Variants in ADAM22 observed in about 807,000 individuals in gnomAD.
ADAM22 encodes disintegrin and metalloproteinase domain-containing protein 22.
A neutral mutation model predicts 144.6 loss-of-function variants in ADAM22; 65 were observed. The observed-to-expected ratio is 0.45, with a 90% CI of 0.37 to 0.55. The LOEUF is 0.55. Among genes scored for constraint, ADAM22 ranks in the 20% least tolerant of loss-of-function variants. The pLI, the probability that ADAM22 is intolerant of heterozygous loss-of-function variation, is 0.00. For missense variants in ADAM22, 974 were observed against 1,184.9 expected, an observed-to-expected ratio of 0.82 and a Z score of 2.61; for synonymous variants, 391 against 412.6, an observed-to-expected ratio of 0.95 and a Z score of 0.63.
At chr7:87,994,832 A>AT (rs575539712) in intron 3 of ADAM22, among the ~76,000 whole-genome samples, 3,399 of 145,808 alleles carry the variant, frequency 0.023, 68 homozygotes, top group African/African-American at 0.054. Context: ...CTAGCATTGT[A>AT]TTTTTTTTTT....
intron 3 of ADAM22, among the ~76,000 whole-genome samples, chr7:88,000,057 A>G (rs1278479681): frequency 3.3e-5 from 5 of 152,172 alleles, no homozygotes; most frequent in African/African-American, 1.2e-4. Context: ...CCAATATGAC[A>G]TTCATTATTA....
At chr7:88,150,901 A>T in intron 18 of ADAM22, 80 bp from the exon 19 acceptor site, 1 of 1,232,064 alleles carries the variant, frequency 8.1e-7, no homozygotes, top group Non-Finnish European at 1.2e-6. Context: ...ATATGTTTTT[A>T]AAAGTGAAAA....
At chr7:88,101,485 A>G (rs1822921705) in intron 4 of ADAM22, among the ~76,000 whole-genome samples, 1 of 152,136 alleles carries the variant, frequency 6.6e-6, no homozygotes. Flanking sequence ...TAGATGTAGC[A>G]CTGAAATACC....
chr7:88,196,425 C>T lies in ADAM22; in HGVS notation c.2875-46C>T, dbSNP rs369411471. On this transcript the variant is annotated intron_variant, in intron 31 of 31. Transcript: ENST00000413139. ...TCATCTCCTATTCAGAATACATCTG[C>T]TTCCTGCTTTCACAATGTGCAATTT... 138 of 1,610,342 alleles carry T rather than the reference C, an allele frequency of 8.6e-5. 1 individual carries two copies. Among genetic ancestry groups the T allele is most frequent in the Middle Eastern group, 8.3e-4 (5 of 6,050 alleles).
intron 2 of ADAM22, among the ~76,000 whole-genome samples, chr7:87,945,026 C>G (rs912707465): frequency 3.2e-4 from 48 of 151,240 alleles, no homozygotes; most frequent in African/African-American, 1.1e-3. Flanking sequence ...TTGTAAAGGT[C>G]TGCAGGCTAG....
intron 3 of ADAM22, among the ~76,000 whole-genome samples, 156 bp downstream of exon 3, chr7:87,978,568 C>A (rs1562904914): frequency 6.6e-6 from 1 of 152,096 alleles, no homozygotes; most frequent in Non-Finnish European, 1.5e-5. Flanking sequence ...GTTATAAAGT[C>A]TGGCAGATAA....
chr7:88,005,259 G>T (rs1188343545), intron 3 of ADAM22, among the ~76,000 whole-genome samples: 1 of 152,136 alleles, frequency 6.6e-6, no homozygotes, highest in African/African-American at 2.4e-5. Context: ...TGGAACAGGT[G>T]CAACTCTTTA....
chr7:88,079,735 CA>C (rs1423301366), intron 4 of ADAM22, among the ~76,000 whole-genome samples: 1 of 152,030 alleles, frequency 6.6e-6, no homozygotes, highest in African/African-American at 2.4e-5. Context: ...CAACAAAGAT[CA>C]AAAGAGACAA....
intron 3 of ADAM22, among the ~76,000 whole-genome samples, chr7:88,071,017 C>T (rs1374773094): frequency 6.6e-6 from 1 of 152,100 alleles, no homozygotes; most frequent in Non-Finnish European, 1.5e-5. Flanking sequence ...GATCCTACAC[C>T]AGCCTATGAC....
rs772855169 is a variant in ADAM22, at chr7:87,934,545, A to G, written c.80A>G (p.Gln27Arg). 3.1e-6 allele frequency: 5 copies of G among 1,607,308 alleles called. No individual in the cohort carries two copies. The highest frequency in any genetic ancestry group is 2.2e-5 in the East Asian group (1 of 44,710). Residue 27 changes from glutamine (Q) to arginine (R), a missense_variant, in exon 1 of 32, where the codon CAG (glutamine) becomes CGG (arginine). Coordinates refer to ENST00000413139, the MANE Select transcript of ADAM22 (RefSeq NM_001324418.2). ...ACCTGCCCTCCGGCGCGCTGCGGCC[A>G]GGCAGGTAAGTTAGCCGTCCTCTGT... ...LGTCPPARCG[Q>R]AGDASLMELE... is the part of the protein sequence containing the mutation.
In ADAM22 at chr7:88,181,495, TC is replaced by T. The variant is rs779878048; in HGVS notation, c.2496-9del. 6.2e-7 allele frequency: 1 copy of T among 1,611,036 alleles called. No individual in the cohort carries two copies. The highest frequency in any genetic ancestry group is 2.2e-5 in the East Asian group (1 of 44,842). On this transcript the variant is annotated splice_polypyrimidine_tract_variant and intron_variant, in intron 27 of 31. Coordinates refer to ENST00000413139, the MANE Select transcript of ADAM22 (RefSeq NM_001324418.2). ...ATTTTTGAACAATTTATCAATATTT[TC>T]AATTTCAGGTCAAATGGGCTCTCTC...
intron 3 of ADAM22, among the ~76,000 whole-genome samples, chr7:88,027,273 C>T (rs911296772): frequency 1.2e-4 from 19 of 152,130 alleles, no homozygotes; most frequent in African/African-American, 3.4e-4. Context: ...TTCCCTCCTC[C>T]ACCATTATTT....
At chr7:87,989,972 T>C (rs1012686433) in intron 3 of ADAM22, among the ~76,000 whole-genome samples, 1 of 152,180 alleles carries the variant, frequency 6.6e-6, no homozygotes, top group Non-Finnish European at 1.5e-5. Context: ...TTATTGCTGA[T>C]AGTTACTTGA....
chr7:88,155,611 A>T (rs1166600830), intron 21 of ADAM22, among the ~76,000 whole-genome samples: 6 of 152,116 alleles, frequency 3.9e-5, no homozygotes, highest in African/African-American at 1.4e-4. Context: ...AATATAAAAG[A>T]AGCCAATTTG....
chr7:88,171,489 C>G, intron 25 of ADAM22, 55 bp from the exon 26 acceptor site: 1 of 1,522,326 alleles, frequency 6.6e-7, no homozygotes, highest in Non-Finnish European at 8.9e-7. Context: ...TGATGTCCTT[C>G]CAGAGGTAAC....
intron 5 of ADAM22, among the ~76,000 whole-genome samples, chr7:88,113,703 A>AATGTGTGTAT (rs1554478727): frequency 2.1e-5 from 1 of 48,106 alleles, no homozygotes; most frequent in African/African-American, 8.0e-5. Context: ...TAAATAAATA[A>AATGTGTGTAT]ATATATATAT....
intron 3 of ADAM22, among the ~76,000 whole-genome samples, chr7:88,019,829 G>T (rs763982167): frequency 6.6e-6 from 1 of 151,606 alleles, no homozygotes; most frequent in Admixed American, 6.6e-5. Context: ...CAGCCTGGGC[G>T]ACAGAGCGTG....
chr7:87,972,294 C>T (rs1850656354), intron 2 of ADAM22, among the ~76,000 whole-genome samples: 1 of 151,344 alleles, frequency 6.6e-6, no homozygotes, highest in Non-Finnish European at 1.5e-5. Context: ...CAATAACAGA[C>T]AAACAGAGAG....
At chr7:88,091,514 C>A (rs1819840882) in intron 4 of ADAM22, among the ~76,000 whole-genome samples, 1 of 152,088 alleles carries the variant, frequency 6.6e-6, no homozygotes, top group African/African-American at 2.4e-5. Context: ...GTACTGGTAG[C>A]AGTTGGAGTA....
Sources: gnomAD v4.1 joint callset for allele counts (sites outside exome capture counted in the v4.1 genomes callset) on GRCh38, gnomAD v4.1.1 for gene constraint, MANE v1.5 for transcripts, NCBI Gene and HGNC (gene_info 2026-07-23, HGNC 2026-07-21) for gene names.